Variants in CASP8 observed in about 807,000 individuals in gnomAD.
CASP8 encodes caspase 8.
A neutral mutation model predicts 46.3 loss-of-function variants in CASP8; 24 were observed. That is an observed-to-expected ratio of 0.52 (90% CI 0.38 to 0.73). The LOEUF (loss-of-function observed/expected upper bound fraction) is 0.73. CASP8 is among the 30% of genes least tolerant of loss of function. CASP8 has a pLI of 0.00. For synonymous variants in CASP8, 188 were observed against 200.4 expected, an observed-to-expected ratio of 0.94 and a Z score of 0.52; for missense variants, 460 against 559.0, an observed-to-expected ratio of 0.82 and a Z score of 1.79.
intron 2 of CASP8, among the ~76,000 whole-genome samples, chr2:201,268,365 A>G (rs1947975632): frequency 6.6e-6 from 1 of 152,004 alleles, no homozygotes; most frequent in Non-Finnish European, 1.5e-5. Flanking sequence ...AGCCTGGCCA[A>G]CATGGTGAAA....
Position 201,274,887 on chromosome 2 carries a change from A to AG in CASP8, c.598dup. The AG allele has an allele frequency of 6.2e-7, 1 of 1,611,092 alleles. No homozygotes were observed. The highest frequency in any genetic ancestry group is 8.5e-7 in the Non-Finnish European group (1 of 1,177,310). On this transcript the variant is annotated splice_acceptor_variant, in intron 5 of 8. Transcript: ENST00000673742. LOFTEE classifies it high-confidence loss of function. ...CTAGATGTGTCTCTTCGTTGTTTGC[A>AG]GGGGAGGAGTTGTGTGGGGTAATGA...
At position 201,285,975 on chromosome 2, in the gene CASP8, G is replaced by A. The variant is rs115230555; in HGVS notation, c.1305-484G>A. On this transcript the variant is annotated intron_variant, in intron 8 of 8. Transcript: ENST00000673742. The stretch of plus-strand genomic sequence containing the variant: ...AAGGTTTCCGCGGCTAGCTACCAAG[G>A]TAGAAGAAGAGGTTGCCTAACAAAA... Among the ~76,000 whole-genome samples the A allele has an allele frequency of 9.0e-3, 1,367 of 152,334 alleles. 23 individuals are homozygous for A. Among genetic ancestry groups the A allele is most frequent in the African/African-American group, 0.032 (1,311 of 41,560 alleles).
intron 7 of CASP8, among the ~76,000 whole-genome samples, chr2:201,281,610 T>C (rs1040616914): frequency 7.2e-6 from 1 of 139,510 alleles, no homozygotes; most frequent in Non-Finnish European, 1.6e-5. Context: ...AATTCATATC[T>C]TTTATTTTGC....
At chr2:201,263,835 TAAAG>T (rs983189216) in intron 1 of CASP8, among the ~76,000 whole-genome samples, 10 of 152,234 alleles carry the variant, frequency 6.6e-5, no homozygotes, top group African/African-American at 2.4e-4. Context: ...GATCTTTAAA[TAAAG>T]ATTTTAACTA....
intron 2 of CASP8, among the ~76,000 whole-genome samples, chr2:201,253,293 CTTTTTTTT>C (rs34341476): frequency 7.4e-5 from 5 of 67,964 alleles, no homozygotes; most frequent in Non-Finnish European, 7.8e-5. Context: ...CTAGCCTGAT[CTTTTTTTT>C]TTTTTTTTTT....
Position 201,286,480 on chromosome 2 carries a change from C to A in CASP8, c.1326C>A (p.Ile442=). ...RCPRGDDILT[I]LTEVNYEVSN... Reference sequence around the variant, plus strand: ...TCAGAGGCGATGATATTCTCACCATCCTGACTGAAGTGAACTATGAAGTAA... The same window carrying A: ...TCAGAGGCGATGATATTCTCACCATACTGACTGAAGTGAACTATGAAGTAA... The change falls in exon 9 of 9, where the codon ATC becomes ATA. Residue 442 remains isoleucine (I), a synonymous_variant. Coordinates refer to ENST00000673742, the MANE Select transcript of CASP8 (RefSeq NM_001372051.1). 2 of 1,612,814 alleles carry A rather than the reference C, an allele frequency of 1.2e-6. No individual in the cohort carries two copies. Among genetic ancestry groups the A allele is most frequent in the African/African-American group, 1.3e-5 (1 of 75,002 alleles).
Position 201,272,968 on chromosome 2 carries a change from G to T in CASP8, c.595+26G>T, listed in dbSNP as rs1313384121. On this transcript the variant is annotated intron_variant, in intron 5 of 8. Coordinates refer to ENST00000673742, the MANE Select transcript of CASP8 (RefSeq NM_001372051.1). The surrounding 1 kb of genome is among the most constrained non-coding windows in gnomAD (Gnocchi z 4.4). ...GTAATGCTTGGAGATACATTTTCAA[G>T]ATTTAGTTAATTTACTATCTGGTAC... The T allele has an allele frequency of 6.2e-7, 1 of 1,606,418 alleles. No homozygotes were observed. The highest frequency in any genetic ancestry group is 1.1e-5 in the South Asian group (1 of 90,890).
At position 201,272,842 on chromosome 2, in the gene CASP8, C is replaced by G. The variant is rs987667594; in HGVS notation, c.551-56C>G. On this transcript the variant is annotated intron_variant, in intron 4 of 8. Coordinates refer to ENST00000673742, the MANE Select transcript of CASP8 (RefSeq NM_001372051.1). This position sits in a 1 kb window ranked among gnomAD's most constrained non-coding sequence, Gnocchi z 4.4. Reference sequence around the variant, plus strand: ...CTAAAATTGAAACTGACAAATCGCTCCATATCACAGTTGTTTCTAATCAAA... The same window carrying G: ...CTAAAATTGAAACTGACAAATCGCTGCATATCACAGTTGTTTCTAATCAAA... 1 of 1,613,198 alleles carries G rather than the reference C, an allele frequency of 6.2e-7. No individual in the cohort carries two copies. Among genetic ancestry groups the G allele is most frequent in the Non-Finnish European group, 8.5e-7 (1 of 1,179,236 alleles).
intron 1 of CASP8, among the ~76,000 whole-genome samples, chr2:201,263,791 A>G (rs1259734397): frequency 6.6e-6 from 1 of 152,232 alleles, no homozygotes; most frequent in African/African-American, 2.4e-5. Context: ...GGTTAGATCT[A>G]GTTTAGATCT....
chr2:201,246,545 A>G (rs1576216490), intron 2 of CASP8, among the ~76,000 whole-genome samples: 1 of 152,220 alleles, frequency 6.6e-6, no homozygotes, highest in Non-Finnish European at 1.5e-5. Context: ...AAGTGTTCTT[A>G]GACAACCTCT....
intron 2 of CASP8, among the ~76,000 whole-genome samples, chr2:201,243,426 T>C (rs1373072000): frequency 6.6e-6 from 1 of 152,228 alleles, no homozygotes; most frequent in Non-Finnish European, 1.5e-5. Flanking sequence ...CTTTGCAAGG[T>C]GCACATAGCC....
intron 5 of CASP8, 106 bp downstream of exon 5, chr2:201,273,048 T>C: frequency 2.4e-6 from 2 of 827,972 alleles, no homozygotes; most frequent in Non-Finnish European, 3.8e-6. Context: ...ACGTGCCTGC[T>C]CTACTTTTTC....
At chr2:201,273,429 A>T (rs1948422676) in intron 5 of CASP8, among the ~76,000 whole-genome samples, 1 of 152,176 alleles carries the variant, frequency 6.6e-6, no homozygotes, top group Non-Finnish European at 1.5e-5. Flanking sequence ...GTCAGTAGTA[A>T]GTAATTTAAC....
chr2:201,273,059 T>TC (rs35302265), intron 5 of CASP8, 117 bp downstream of exon 5: 5 of 180,028 alleles, frequency 2.8e-5, no homozygotes, highest in Non-Finnish European at 4.8e-5. Flanking sequence ...CTACTTTTTC[T>TC]TTTTTTTTTT....
chr2:201,252,200 A>G lies in CASP8; in HGVS notation c.-26-14261A>G, dbSNP rs188046462. ...GTTCAGATCTCTTGCCCACTTTTCA[A>G]TTGGGTTGTTTGTTTTGTTATTGTT... On this transcript the variant is annotated intron_variant, in intron 2 of 6. Transcript: ENST00000264274. Among the ~76,000 whole-genome samples the G allele has an allele frequency of 7.2e-5, 11 of 152,032 alleles. No homozygotes were observed. In the East Asian group the frequency reaches 1.9e-3, roughly 27 times the overall value.
Position 201,245,864 on chromosome 2 carries a change from CT to C in CASP8, c.-27+11772del, listed in dbSNP as rs60096366. On this transcript the variant is annotated intron_variant, in intron 2 of 6. Transcript: ENST00000264274. ...TTTCTGTTGCTTTTCCTTGTTTGTTCTTTTTTTTTTTTTTTTTTTTGAGACG... is the reference window on the plus strand; with the variant it reads ...TTTCTGTTGCTTTTCCTTGTTTGTTCTTTTTTTTTTTTTTTTTTTGAGACG... 3.5e-3 allele frequency among the ~76,000 whole-genome samples: 433 copies of C among 124,416 alleles called. 1 individual carries two copies. Among genetic ancestry groups the C allele is most frequent in the East Asian group, 0.019 (84 of 4,540 alleles). 81.6% of individuals were successfully genotyped at this position (124,416 alleles called of 152,430 possible).
chr2:201,270,330 C>T (rs1045104126), intron 2 of CASP8, among the ~76,000 whole-genome samples: 1 of 152,154 alleles, frequency 6.6e-6, no homozygotes, highest in Admixed American at 6.5e-5. Context: ...ACCCTCGAAA[C>T]CTTCCTATGA....
At chr2:201,263,223 C>T (rs1947550034) in intron 1 of CASP8, among the ~76,000 whole-genome samples, 1 of 152,082 alleles carries the variant, frequency 6.6e-6, no homozygotes, top group Non-Finnish European at 1.5e-5. Flanking sequence ...TTCATTTTGA[C>T]ACCATAATAC....
chr2:201,258,841 C>G (rs1947185241), upstream of CASP8, among the ~76,000 whole-genome samples: 1 of 152,214 alleles, frequency 6.6e-6, no homozygotes, highest in African/African-American at 2.4e-5. Flanking sequence ...CCTTTTATCT[C>G]TCCACCCCCA....
Sources: allele counts gnomAD v4.1 joint callset (sites outside exome capture counted in the v4.1 genomes callset), GRCh38; gene constraint gnomAD v4.1.1; non-coding constraint Gnocchi (gnomAD v3.1); transcripts MANE v1.5; gene names NCBI Gene and HGNC (gene_info 2026-07-23, HGNC 2026-07-21).